MAN2A1: variants seen among roughly 807,000 people sequenced by gnomAD.
The protein encoded by MAN2A1 is mannosidase alpha class 2A member 1.
Under a neutral mutation model 142.6 loss-of-function variants are expected in MAN2A1, and 76 were observed. The observed-to-expected ratio is 0.53, with a 90% CI of 0.44 to 0.65. The LOEUF is 0.65. Ranked by LOEUF, MAN2A1 falls within the 30% of genes least tolerant of loss-of-function variation. MAN2A1 has a pLI of 0.00. For synonymous variants in MAN2A1, 559 were observed against 473.2 expected (o/e 1.18, Z -2.35); for missense variants, 1,311 against 1,365.1 (o/e 0.96, Z 0.62).
At chr5:109,845,708 G>A (rs1032950638) in intron 17 of MAN2A1, among the ~76,000 whole-genome samples, 157 bp from the exon 18 acceptor site, 1 of 152,104 alleles carries the variant, frequency 6.6e-6, no homozygotes, top group Non-Finnish European at 1.5e-5. Context: ...TCTTCATATT[G>A]TTTTAAATAA....
chr5:109,781,974 G>T (rs1325519683), intron 9 of MAN2A1, among the ~76,000 whole-genome samples: 1 of 152,074 alleles, frequency 6.6e-6, no homozygotes, highest in Non-Finnish European at 1.5e-5. Context: ...TGGAAACATA[G>T]GTGAGCATCA....
chr5:109,862,219 T>C (rs909719021), intron 20 of MAN2A1: 19 of 152,198 alleles, frequency 1.2e-4, no homozygotes, highest in African/African-American at 4.6e-4. Context: ...GTAGAAAAAA[T>C]CATTGGTCTG....
Position 109,729,388 on chromosome 5 carries a change from T to C in MAN2A1, c.582T>C (p.Tyr194=). ...FNDYFRDKTQ[Y]IFNNMVLKLK... ...ACTACTTTAGAGACAAGACTCAGTA[T>C]ATTTTTAATAACATGGTCCTAAAGC... The change falls in exon 4 of 22, where the codon TAT becomes TAC. Residue 194 remains tyrosine (Y), a synonymous_variant. Coordinates refer to ENST00000261483, the MANE Select transcript of MAN2A1 (RefSeq NM_002372.4). The C allele has an allele frequency of 1.2e-6, 2 of 1,606,026 alleles. No homozygotes were observed. The highest frequency in any genetic ancestry group is 1.7e-6 in the Non-Finnish European group (2 of 1,176,808).
chr5:109,712,073 G>A (rs1010690753), intron 1 of MAN2A1, among the ~76,000 whole-genome samples: 3 of 150,600 alleles, frequency 2.0e-5, no homozygotes, highest in Admixed American at 2.0e-4. Context: ...CACCCCCAGT[G>A]ATTTGCTGCT....
chr5:109,739,407 G>A (rs1582845069), intron 4 of MAN2A1, among the ~76,000 whole-genome samples: 2 of 151,998 alleles, frequency 1.3e-5, no homozygotes, highest in Admixed American at 6.6e-5. Context: ...ATTCAAGTAC[G>A]TTGTTATTGT....
chr5:109,815,635 T>C (rs1754436018), intron 12 of MAN2A1, among the ~76,000 whole-genome samples: 1 of 152,242 alleles, frequency 6.6e-6, no homozygotes, highest in Non-Finnish European at 1.5e-5. Context: ...TTTTGTGTTA[T>C]ATCCTCTTTC....
chr5:109,826,103 G>A (rs1051651964), intron 16 of MAN2A1, among the ~76,000 whole-genome samples: 8 of 151,172 alleles, frequency 5.3e-5, no homozygotes, highest in East Asian at 2.0e-4. Flanking sequence ...ATGGGGTTTC[G>A]CCATGTTGGT....
chr5:109,827,318 T>A (rs1327476880), intron 16 of MAN2A1, among the ~76,000 whole-genome samples: 2 of 152,218 alleles, frequency 1.3e-5, no homozygotes, highest in Non-Finnish European at 2.9e-5. Flanking sequence ...TCTATTTTTG[T>A]TAAACCTTAC....
intron 1 of MAN2A1, among the ~76,000 whole-genome samples, chr5:109,701,866 G>A (rs1291646836): frequency 6.6e-6 from 1 of 152,174 alleles, no homozygotes; most frequent in Non-Finnish European, 1.5e-5. Flanking sequence ...TTTGCAGAAG[G>A]AGATAGGGAC....
At chr5:109,725,586 T>C (rs1202992519) in intron 3 of MAN2A1, among the ~76,000 whole-genome samples, 1 of 152,158 alleles carries the variant, frequency 6.6e-6, no homozygotes, top group Non-Finnish European at 1.5e-5. Flanking sequence ...CTGGGTCAGT[T>C]TGTCCTGTGG....
At chr5:109,814,795 A>G (rs1480688665) in intron 12 of MAN2A1, among the ~76,000 whole-genome samples, 1 of 152,006 alleles carries the variant, frequency 6.6e-6, no homozygotes. Flanking sequence ...CTTTTTTTTC[A>G]TAGAAGGAAT....
At chr5:109,753,969 C>A (rs565846377) in intron 4 of MAN2A1, among the ~76,000 whole-genome samples, 1 of 151,124 alleles carries the variant, frequency 6.6e-6, no homozygotes, top group Non-Finnish European at 1.5e-5. Flanking sequence ...AGTGCAGTGG[C>A]GTAATCATAG....
intron 3 of MAN2A1, among the ~76,000 whole-genome samples, chr5:109,726,935 A>G (rs1312297534): frequency 1.3e-5 from 2 of 152,224 alleles, no homozygotes; most frequent in Non-Finnish European, 2.9e-5. Context: ...CGATAATTCT[A>G]ATAGAACCAT....
intron 12 of MAN2A1, 99 bp from the exon 13 acceptor site, chr5:109,817,174 A>T: frequency 4.7e-6 from 1 of 213,772 alleles, no homozygotes; most frequent in Admixed American, 1.2e-4. Context: ...TCAAAAATAT[A>T]TATGTATATG....
chr5:109,708,857 C>A (rs6897334), intron 1 of MAN2A1, among the ~76,000 whole-genome samples: 57,674 of 151,984 alleles, frequency 0.38, 11,746 homozygotes, highest in African/African-American at 0.54. Context: ...CTTTCTCTGC[C>A]TTTTAATTCC....
chr5:109,729,837 A>T (rs1217908173), intron 4 of MAN2A1, among the ~76,000 whole-genome samples: 2 of 152,154 alleles, frequency 1.3e-5, no homozygotes, highest in Admixed American at 6.5e-5. Context: ...TACTAAAAAT[A>T]CAAAAAAATT....
chr5:109,710,107 C>T (rs1231952609), intron 1 of MAN2A1, among the ~76,000 whole-genome samples: 1 of 152,038 alleles, frequency 6.6e-6, no homozygotes, highest in Non-Finnish European at 1.5e-5. Context: ...TTCTTTAGAC[C>T]ATTGTGTGCA....
At chr5:109,785,403 A>C (rs890602793) in intron 10 of MAN2A1, among the ~76,000 whole-genome samples, 2 of 151,844 alleles carry the variant, frequency 1.3e-5, no homozygotes, top group East Asian at 3.9e-4. Flanking sequence ...AAGCATAGCC[A>C]GGAAGGAAAA....
chr5:109,868,409 A>G lies in MAN2A1; in HGVS notation c.*1411A>G, dbSNP rs978377057. ...ATAATAGCGACATTTAGACTATGCA[A>G]TTTTAGCATAGAAAGGAGTCTTTGA... On this transcript the variant is annotated 3_prime_UTR_variant, in exon 22 of 22. Transcript: ENST00000261483. 1.3e-5 allele frequency: 2 copies of G among 152,218 alleles called. No homozygotes were observed. The highest frequency in any genetic ancestry group is 6.5e-5 in the Admixed American group (1 of 15,282). The allele number at this position is 152,218 out of a possible 1,614,324, so 9.4% of individuals were successfully genotyped here.
Sources: gnomAD v4.1 joint callset for allele counts (sites outside exome capture counted in the v4.1 genomes callset) on GRCh38, gnomAD v4.1.1 for gene constraint, MANE v1.5 for transcripts, NCBI Gene and HGNC (gene_info 2026-07-23, HGNC 2026-07-21) for gene names.